The following HIPK3 variants were observed in gnomAD, a reference collection of about 807,000 sequenced individuals.
The protein encoded by HIPK3 is homeodomain-interacting protein kinase 3.
In HIPK3, 47 loss-of-function variants were observed where a neutral mutation model predicts 124.2. The observed-to-expected ratio is 0.38, with a 90% CI of 0.30 to 0.48. HIPK3 has a LOEUF of 0.48. Among genes scored for constraint, HIPK3 ranks in the 20% least tolerant of loss-of-function variants. The probability of loss-of-function intolerance (pLI) is 0.98; values close to 1 mark genes in which losing one functional copy is unlikely to be tolerated. For synonymous variants in HIPK3, 482 were observed against 515.2 expected, an observed-to-expected ratio of 0.94 and a Z score of 0.87; for missense variants, 1,286 against 1,454.3, an observed-to-expected ratio of 0.88 and a Z score of 1.88.
chr11:33,312,725 C>G (rs541412596), intron 2 of HIPK3, among the ~76,000 whole-genome samples: 2 of 152,146 alleles, frequency 1.3e-5, no homozygotes, highest in Non-Finnish European at 2.9e-5. Flanking sequence ...TGTCTTGCCA[C>G]TATCATTTAT....
At position 33,352,022 on chromosome 11, in the gene HIPK3, T is replaced by C. The variant is rs1853677008; in HGVS notation, c.3044-116T>C. 1.4e-5 allele frequency: 16 copies of C among 1,143,250 alleles called. No homozygotes were observed. The South Asian group carries it at 2.2e-4, about 16-fold the overall frequency. 70.8% of individuals were successfully genotyped at this position (1,143,250 alleles called of 1,614,324 possible). A position where few individuals can be genotyped will look rare whatever the true frequency, so the allele number is the denominator to read the frequency against. On this transcript the variant is annotated intron_variant, in intron 15 of 16. Coordinates refer to ENST00000303296, the MANE Select transcript of HIPK3 (RefSeq NM_005734.5). Reference sequence around the variant, plus strand: ...TTGGAAACCATGACCTCTCCTTTGATTTTATTTAATTTTAAGGCTCTCAAA... The same window carrying C: ...TTGGAAACCATGACCTCTCCTTTGACTTTATTTAATTTTAAGGCTCTCAAA...
Position 33,287,015 on chromosome 11 carries a change from G to A in HIPK3, c.601G>A (p.Asp201Asn), listed in dbSNP as rs1462514078. The A allele has an allele frequency of 3.7e-6, 6 of 1,614,152 alleles. No individual in the cohort carries two copies. Among genetic ancestry groups the A allele is most frequent in the Non-Finnish European group, 5.1e-6 (6 of 1,180,030 alleles). ...CSMKNTYEVL[D>N]FLGRGTFGQV... Reference sequence around the variant, plus strand: ...CATGAAAAATACTTACGAAGTCCTTGATTTTCTTGGTCGAGGCACGTTTGG... The same window carrying A: ...CATGAAAAATACTTACGAAGTCCTTAATTTTCTTGGTCGAGGCACGTTTGG... Residue 201 changes from aspartate (D) to asparagine (N), a missense_variant, in exon 2 of 17, where the codon GAT (aspartate) becomes AAT (asparagine). Transcript: ENST00000303296.
chr11:33,351,874 T>A, intron 15 of HIPK3, 31 bp downstream of exon 15: 1 of 1,537,954 alleles, frequency 6.5e-7, no homozygotes, highest in Non-Finnish European at 8.9e-7. Flanking sequence ...TCTCTGGTTG[T>A]CCTTTAAATA....
At chr11:33,333,384 G>T (rs1022038293) in intron 3 of HIPK3, among the ~76,000 whole-genome samples, 16 of 152,114 alleles carry the variant, frequency 1.1e-4, no homozygotes, top group South Asian at 2.1e-4. Context: ...TAGGTTTCAT[G>T]ACCATAAAAC....
chr11:33,314,211 T>C (rs1379818253), intron 2 of HIPK3, among the ~76,000 whole-genome samples: 3 of 152,230 alleles, frequency 2.0e-5, no homozygotes, highest in Non-Finnish European at 4.4e-5. Flanking sequence ...TGCATAGGTT[T>C]GTATAAGCCC....
intron 2 of HIPK3, among the ~76,000 whole-genome samples, chr11:33,308,793 A>T (rs1852241948): frequency 7.3e-6 from 1 of 137,372 alleles, no homozygotes; most frequent in Admixed American, 7.3e-5. Flanking sequence ...CTGGCATTTT[A>T]GTTCTATATA....
intron 2 of HIPK3, among the ~76,000 whole-genome samples, chr11:33,302,661 A>G (rs904690033): frequency 1.3e-5 from 2 of 152,176 alleles, no homozygotes; most frequent in East Asian, 1.9e-4. Context: ...ATAATGGTAA[A>G]CCAGTGCGTT....
At chr11:33,290,102 G>A (rs755155761) in intron 2 of HIPK3, among the ~76,000 whole-genome samples, 4 of 152,048 alleles carry the variant, frequency 2.6e-5, no homozygotes, top group Non-Finnish European at 5.9e-5. Context: ...GTGAATAGTC[G>A]TGCAGTAAAC....
chr11:33,331,358 T>C (rs561824313), intron 3 of HIPK3, among the ~76,000 whole-genome samples: 6 of 152,230 alleles, frequency 3.9e-5, no homozygotes, highest in East Asian at 1.9e-4. Context: ...CTAGATATAC[T>C]TGGACACCCC....
At chr11:33,260,343 C>T (rs544335965) in intron 1 of HIPK3, among the ~76,000 whole-genome samples, 62 of 152,168 alleles carry the variant, frequency 4.1e-4, no homozygotes, top group Non-Finnish European at 7.8e-4. Context: ...TTTGATTGAA[C>T]TTTTGTTTTT....
intron 1 of HIPK3, among the ~76,000 whole-genome samples, chr11:33,284,408 A>AGAG (rs1274571270): frequency 6.6e-6 from 1 of 152,228 alleles, no homozygotes. Flanking sequence ...ACCCCTGCCT[A>AGAG]GAGGGTGAGT....
intron 3 of HIPK3, among the ~76,000 whole-genome samples, chr11:33,334,838 A>C (rs1236125250): frequency 6.6e-6 from 1 of 152,216 alleles, no homozygotes; most frequent in Admixed American, 6.5e-5. Flanking sequence ...GTTTGGCAGT[A>C]GTGTGAATAA....
intron 2 of HIPK3, among the ~76,000 whole-genome samples, chr11:33,295,282 C>A (rs1027245991): frequency 6.7e-6 from 1 of 149,290 alleles, no homozygotes; most frequent in South Asian, 2.2e-4. Flanking sequence ...CCACCGCCCC[C>A]CCCCCACAAC....
intron 1 of HIPK3, chr11:33,258,672 A>C: frequency 1.0e-6 from 1 of 984,800 alleles, no homozygotes; most frequent in Non-Finnish European, 1.2e-6. Context: ...GTCGGGAGGG[A>C]GACGGCTGTT....
At chr11:33,262,395 C>T (rs982057163) in intron 1 of HIPK3, among the ~76,000 whole-genome samples, 1 of 152,158 alleles carries the variant, frequency 6.6e-6, no homozygotes, top group African/African-American at 2.4e-5. Flanking sequence ...CAAATGAAAC[C>T]TTGAGCTTTT....
At chr11:33,323,183 A>G (rs1281578376) in intron 2 of HIPK3, among the ~76,000 whole-genome samples, 2 of 152,228 alleles carry the variant, frequency 1.3e-5, no homozygotes, top group Non-Finnish European at 1.5e-5. Flanking sequence ...AACACTGAAA[A>G]CATTATGCCA....
Position 33,348,632 on chromosome 11 carries a change from A to G in HIPK3, c.2480A>G (p.Gln827Arg). Residue 827 changes from glutamine to arginine, a missense_variant, in exon 13 of 17, where the codon CAG (glutamine) becomes CGG (arginine). Coordinates refer to ENST00000303296, the MANE Select transcript of HIPK3 (RefSeq NM_005734.5). Reference protein sequence around the residue: ...EVSCIETQDNQNSEGEARNCC... With the variant: ...EVSCIETQDNRNSEGEARNCC... ...AGTTGTATAGAAACACAGGACAATC[A>G]GAACTCAGAAGGAGAGGCAAGAAAT... The G allele has an allele frequency of 6.2e-7, 1 of 1,614,206 alleles. No homozygotes were observed. Among genetic ancestry groups the G allele is most frequent in the Non-Finnish European group, 8.5e-7 (1 of 1,180,008 alleles).
chr11:33,346,558 A>G (rs1211300378), intron 8 of HIPK3, among the ~76,000 whole-genome samples: 3 of 152,224 alleles, frequency 2.0e-5, no homozygotes, highest in South Asian at 2.1e-4. Context: ...TTAAAGAAGA[A>G]GATAACTAAG....
chr11:33,349,613 T>C (rs1853598731), intron 14 of HIPK3, among the ~76,000 whole-genome samples: 1 of 152,172 alleles, frequency 6.6e-6, no homozygotes, highest in African/African-American at 2.4e-5. Flanking sequence ...GATGCTCGGC[T>C]AATTTTTAAG....
Sources: gnomAD v4.1 joint callset for allele counts (sites outside exome capture counted in the v4.1 genomes callset) on GRCh38, gnomAD v4.1.1 for gene constraint, MANE v1.5 for transcripts, NCBI Gene and HGNC (gene_info 2026-07-23, HGNC 2026-07-21) for gene names.